TBC1D5: variants seen among roughly 807,000 people sequenced by gnomAD.
TBC1D5 encodes the protein TBC1 domain family member 5.
A neutral mutation model predicts 100.3 loss-of-function variants in TBC1D5; 75 were observed. That is an observed-to-expected ratio of 0.75 (90% CI 0.62 to 0.91). The LOEUF (loss-of-function observed/expected upper bound fraction) is 0.91. Among genes scored for constraint, TBC1D5 ranks in the 40% least tolerant of loss-of-function variants. The pLI, the probability that TBC1D5 is intolerant of heterozygous loss-of-function variation, is 0.00. For missense variants in TBC1D5, 910 were observed against 942.4 expected (o/e 0.97, Z 0.45); for synonymous variants, 323 against 325.6 (o/e 0.99, Z 0.09).
intron 1 of TBC1D5, among the ~76,000 whole-genome samples, chr3:17,636,010 T>C (rs2063882083): frequency 6.6e-6 from 1 of 151,906 alleles, no homozygotes; most frequent in Non-Finnish European, 1.5e-5. Flanking sequence ...CTGGCCAACA[T>C]GGTAAAACCC....
intron 2 of TBC1D5, among the ~76,000 whole-genome samples, chr3:17,536,719 C>T (rs1445987586): frequency 6.6e-6 from 1 of 152,074 alleles, no homozygotes; most frequent in Non-Finnish European, 1.5e-5. Flanking sequence ...TAAATCAATA[C>T]TTGGAAGGTA....
At chr3:17,423,320 A>T (rs13320693) in intron 4 of TBC1D5, among the ~76,000 whole-genome samples, 59,948 of 151,974 alleles carry the variant, frequency 0.39, 12,482 homozygotes, top group Middle Eastern at 0.47. Context: ...TGTTTTATTT[A>T]AAAAAATACA....
At chr3:17,722,964 G>A (rs985903339) in intron 1 of TBC1D5, among the ~76,000 whole-genome samples, 7 of 152,184 alleles carry the variant, frequency 4.6e-5, no homozygotes, top group Admixed American at 6.5e-5. Context: ...AGCAGGACAT[G>A]GTTTTCCCCA....
intron 2 of TBC1D5, chr3:17,524,799 G>C (rs1001468343): frequency 6.6e-6 from 1 of 152,240 alleles, no homozygotes; most frequent in African/African-American, 2.4e-5. Context: ...GGGAGGCAGA[G>C]GTTGCAGTGA....
chr3:17,290,584 T>G (rs2081623263), intron 15 of TBC1D5, among the ~76,000 whole-genome samples: 1 of 152,236 alleles, frequency 6.6e-6, no homozygotes, highest in African/African-American at 2.4e-5. Flanking sequence ...CCTAAGTCTG[T>G]AGATCAAAAC....
chr3:17,179,693 T>C (rs1285079537), intron 19 of TBC1D5, among the ~76,000 whole-genome samples: 1 of 152,216 alleles, frequency 6.6e-6, no homozygotes, highest in African/African-American at 2.4e-5. Flanking sequence ...CTTTTACATC[T>C]TTAATATTCT....
At chr3:17,429,803 T>A (rs2094414809) in intron 3 of TBC1D5, among the ~76,000 whole-genome samples, 1 of 151,896 alleles carries the variant, frequency 6.6e-6, no homozygotes, top group Non-Finnish European at 1.5e-5. Context: ...CACTGGTTCT[T>A]TTTTGAGAAT....
chr3:17,306,494 T>A (rs2083413347), intron 14 of TBC1D5, among the ~76,000 whole-genome samples: 1 of 152,200 alleles, frequency 6.6e-6, no homozygotes, highest in Non-Finnish European at 1.5e-5. Flanking sequence ...TTTTTCTACA[T>A]TTTATAAAGT....
At chr3:17,560,776 C>T (rs1230692940) in intron 2 of TBC1D5, among the ~76,000 whole-genome samples, 1 of 151,624 alleles carries the variant, frequency 6.6e-6, no homozygotes, top group Non-Finnish European at 1.5e-5. Flanking sequence ...CAAAAATTAG[C>T]TGGGTGTGGT....
intron 15 of TBC1D5, among the ~76,000 whole-genome samples, chr3:17,278,109 T>A (rs2080213147): frequency 6.6e-6 from 1 of 152,170 alleles, no homozygotes; most frequent in South Asian, 2.1e-4. Flanking sequence ...TTAGGAAATA[T>A]AAAAAGCATC....
exon 22 of TBC1D5, chr3:17,158,112 A>G (rs1307501450): frequency 1.3e-5 from 2 of 152,262 alleles, no homozygotes; most frequent in African/African-American, 4.8e-5. Flanking sequence ...CACTCAAGGT[A>G]AGGCAAAGTA....
At chr3:17,255,712 CA>C (rs1349793954) in intron 16 of TBC1D5, among the ~76,000 whole-genome samples, 1 of 152,240 alleles carries the variant, frequency 6.6e-6, no homozygotes, top group Non-Finnish European at 1.5e-5. Flanking sequence ...AAAACATCTT[CA>C]CACTATTATT....
chr3:17,279,489 A>G (rs2080350790), intron 15 of TBC1D5, among the ~76,000 whole-genome samples: 1 of 152,218 alleles, frequency 6.6e-6, no homozygotes, highest in Non-Finnish European at 1.5e-5. Context: ...CTGTTTCTGT[A>G]CACTAAATAG....
intron 2 of TBC1D5, among the ~76,000 whole-genome samples, chr3:17,612,734 T>C (rs747303573): frequency 6.6e-6 from 1 of 151,778 alleles, no homozygotes; most frequent in Non-Finnish European, 1.5e-5. Flanking sequence ...CCTGAGGGAA[T>C]ACCTGGGAAA....
intron 16 of TBC1D5, among the ~76,000 whole-genome samples, chr3:17,254,701 T>G (rs2149355396): frequency 6.8e-6 from 1 of 147,942 alleles, no homozygotes; most frequent in South Asian, 2.1e-4. Flanking sequence ...ATCTATCTTT[T>G]CTAGTGCTTT....
chr3:17,264,427 T>C (rs1282980500), intron 15 of TBC1D5, among the ~76,000 whole-genome samples: 1 of 152,186 alleles, frequency 6.6e-6, no homozygotes, highest in Non-Finnish European at 1.5e-5. Flanking sequence ...GCAGAGTATA[T>C]TTCAAAGGAC....
chr3:17,527,081 C>T (rs943361532), intron 2 of TBC1D5, among the ~76,000 whole-genome samples: 1 of 152,048 alleles, frequency 6.6e-6, no homozygotes, highest in Non-Finnish European at 1.5e-5. Context: ...AGAAAATATA[C>T]GTTCTAGGAA....
intron 1 of TBC1D5, among the ~76,000 whole-genome samples, chr3:17,710,440 T>TGTA (rs1034723910): frequency 3.1e-4 from 47 of 151,924 alleles, no homozygotes; most frequent in Non-Finnish European, 4.4e-5. Context: ...GCCGCATGAT[T>TGTA]GTAATCCCAG....
chr3:17,179,931 A>G (rs2068248530), intron 19 of TBC1D5, among the ~76,000 whole-genome samples: 1 of 152,204 alleles, frequency 6.6e-6, no homozygotes, highest in Non-Finnish European at 1.5e-5. Context: ...TATTCCCTGT[A>G]AACAGCTGGC....
Sources: gnomAD v4.1 joint callset for allele counts (sites outside exome capture counted in the v4.1 genomes callset) on GRCh38, gnomAD v4.1.1 for gene constraint, MANE v1.5 for transcripts, NCBI Gene and HGNC (gene_info 2026-07-23, HGNC 2026-07-21) for gene names.